The following FBXO22 variants were observed in gnomAD, a reference collection of about 807,000 sequenced individuals.
FBXO22 encodes the protein F-box only protein 22.
A neutral mutation model predicts 37.2 loss-of-function variants in FBXO22; 13 were observed. That is an observed-to-expected ratio of 0.35 (90% CI 0.23 to 0.56). FBXO22 has a LOEUF of 0.56. Among genes scored for constraint, FBXO22 ranks in the 20% least tolerant of loss-of-function variants. The probability of loss-of-function intolerance (pLI) is 0.87; values close to 1 mark genes in which losing one functional copy is unlikely to be tolerated. For synonymous variants in FBXO22, 189 were observed against 189.1 expected, an observed-to-expected ratio of 1.00 and a Z score of 0.00; for missense variants, 446 against 509.9, an observed-to-expected ratio of 0.87 and a Z score of 1.21.
intron 5 of FBXO22, among the ~76,000 whole-genome samples, chr15:75,929,060 G>A (rs1029088188): frequency 6.6e-6 from 1 of 152,130 alleles, no homozygotes; most frequent in Non-Finnish European, 1.5e-5. Context: ...AGTTCAGGAG[G>A]CCAGAAGTCT....
At chr15:75,928,005 T>C (rs1212482129) in intron 5 of FBXO22, among the ~76,000 whole-genome samples, 1 of 152,144 alleles carries the variant, frequency 6.6e-6, no homozygotes, top group Admixed American at 6.6e-5. Context: ...GAAAAAAAGC[T>C]CCACATCACT....
chr15:75,914,777 G>A (rs1201311493), intron 4 of FBXO22, among the ~76,000 whole-genome samples: 3 of 152,112 alleles, frequency 2.0e-5, no homozygotes, highest in East Asian at 1.9e-4. Flanking sequence ...TTCGAATGCC[G>A]GCTGTACCGC....
chr15:75,904,980 T>C (rs1303422634), intron 2 of FBXO22, among the ~76,000 whole-genome samples: 3 of 152,122 alleles, frequency 2.0e-5, no homozygotes, highest in Admixed American at 6.5e-5. Context: ...CCCGCCACCA[T>C]GCCCAGCTAA....
In FBXO22 at chr15:75,904,552, T is replaced by G. The variant is rs1899877685; in HGVS notation, c.202T>G (p.Trp68Gly). The change falls in exon 2 of 7, where the codon TGG (tryptophan) becomes GGG (glycine). Residue 68 changes from tryptophan (W) to glycine (G), a missense_variant. This residue lies in a region of FBXO22 where 131 missense variants were observed against 99.8 expected (regional missense o/e 1.31). Transcript: ENST00000308275. ...RVLRTHRSVT[W>G]ISAGLAEAGH... Reference sequence around the variant, plus strand: ...ATTGCGGACCCATCGGAGCGTAACCTGGATCTCCGCAGGCCTGGCGGAGGC... The same window carrying G: ...ATTGCGGACCCATCGGAGCGTAACCGGGATCTCCGCAGGCCTGGCGGAGGC... 6.2e-7 allele frequency: 1 copy of G among 1,613,904 alleles called. No homozygotes were observed. The highest frequency in any genetic ancestry group is 8.5e-7 in the Non-Finnish European group (1 of 1,179,852).
Position 75,940,330 on chromosome 15 carries a change from C to T in FBXO22, c.*7228C>T, listed in dbSNP as rs975489322. ...CAATGAAAACTACAAAACATTGCTT[C>T]AATAAAGATAAAAATAAACGGAAAT... On this transcript the variant is annotated 3_prime_UTR_variant, in exon 7 of 7. Coordinates refer to ENST00000308275, the MANE Select transcript of FBXO22 (RefSeq NM_147188.3). 1 of 151,074 alleles carries T rather than the reference C, an allele frequency of 6.6e-6. No individual in the cohort carries two copies. Among genetic ancestry groups the T allele is most frequent in the African/African-American group, 2.5e-5 (1 of 40,748 alleles). 9.4% of individuals were successfully genotyped at this position (151,074 alleles called of 1,614,324 possible).
intron 5 of FBXO22, among the ~76,000 whole-genome samples, chr15:75,919,842 C>T (rs931749729): frequency 1.3e-5 from 2 of 152,124 alleles, no homozygotes; most frequent in East Asian, 1.9e-4. Flanking sequence ...TGACAATTAA[C>T]GATGGCCAAT....
chr15:75,929,765 T>C, intron 5 of FBXO22, 119 bp from the exon 6 acceptor site: 1 of 1,114,986 alleles, frequency 9.0e-7, no homozygotes, highest in South Asian at 1.5e-5. Context: ...TTTGATAGCT[T>C]AAGCCACTAA....
chr15:75,931,101 T>G (rs1473118099), intron 6 of FBXO22, among the ~76,000 whole-genome samples: 1 of 152,168 alleles, frequency 6.6e-6, no homozygotes, highest in Non-Finnish European at 1.5e-5. Flanking sequence ...TGCCTAATTT[T>G]TCCTGTGTCT....
chr15:75,922,771 A>C (rs548160883), intron 5 of FBXO22, among the ~76,000 whole-genome samples: 1 of 152,302 alleles, frequency 6.6e-6, no homozygotes, highest in Admixed American at 6.5e-5. Context: ...GGCAAGAAAT[A>C]ACACTAGGGC....
intron 4 of FBXO22, among the ~76,000 whole-genome samples, chr15:75,916,625 C>G (rs1567053368): frequency 6.6e-6 from 1 of 152,152 alleles, no homozygotes; most frequent in African/African-American, 2.4e-5. Flanking sequence ...TGACACAGTT[C>G]AATCTGTAAT....
rs1050058761 is a variant in FBXO22, at chr15:75,932,893, A to C, written c.1003A>C (p.Arg335=). ...ACVGRGFQYY[R]AKGNVEADAF... ...CGTTGGCAGGGGCTTTCAGTATTAC[A>C]GAGCCAAGGGGAATGTTGAGGCTGA... Residue 335 remains arginine, a synonymous_variant, in exon 7 of 7, where the codon AGA becomes CGA. Coordinates refer to ENST00000308275, the MANE Select transcript of FBXO22 (RefSeq NM_147188.3). 4 of 1,614,274 alleles carry C rather than the reference A, an allele frequency of 2.5e-6. No individual in the cohort carries two copies. Among genetic ancestry groups the C allele is most frequent in the Middle Eastern group, 3.3e-4 (2 of 6,062 alleles).
Position 75,914,187 on chromosome 15 carries a change from G to A in FBXO22, c.445G>A (p.Val149Met). 5.6e-6 allele frequency: 9 copies of A among 1,613,060 alleles called. No individual in the cohort carries two copies. The highest frequency in any genetic ancestry group is 7.6e-6 in the Non-Finnish European group (9 of 1,179,294). The change falls in exon 4 of 7, where the codon GTG becomes ATG. Residue 149 changes from valine to methionine, a missense_variant. By Grantham distance (21) the Val-to-Met change is conservative. This residue lies in a region of FBXO22 where 315 missense variants were observed against 410.1 expected (regional missense o/e 0.77). Coordinates refer to ENST00000308275, the MANE Select transcript of FBXO22 (RefSeq NM_147188.3). ...CAAACAATGCCAAGTCCTTGGGATT[G>A]TGACCCCAGGAATTGTAGGTGAGAT... ...FPKQCQVLGI[V>M]TPGIVVTPMG...
chr15:75,917,417 T>C, intron 5 of FBXO22, 23 bp downstream of exon 5: 1 of 1,495,444 alleles, frequency 6.7e-7, no homozygotes, highest in Non-Finnish European at 9.1e-7. Context: ...TATTTATCAT[T>C]AACTGCTCAT....
chr15:75,917,476 A>G lies in FBXO22; in HGVS notation c.628+82A>G, dbSNP rs1900216771. 3 of 1,030,944 alleles carry G rather than the reference A, an allele frequency of 2.9e-6. No homozygotes were observed. The African/African-American group carries it at 4.9e-5, about 17-fold the overall frequency. 63.9% of individuals were successfully genotyped at this position (1,030,944 alleles called of 1,614,324 possible). On this transcript the variant is annotated intron_variant, in intron 5 of 6. Coordinates refer to ENST00000308275, the MANE Select transcript of FBXO22 (RefSeq NM_147188.3). ...TTTTAATTCTGGCTAGTTGGTGGATATTAGGTTCCTTTGGGAGAATCTGAA... is the reference window on the plus strand; with the variant it reads ...TTTTAATTCTGGCTAGTTGGTGGATGTTAGGTTCCTTTGGGAGAATCTGAA...
rs2030260510 is a variant in FBXO22 at position 75,935,571 on chromosome 15, A to T, written c.*2469A>T. The T allele has an allele frequency of 6.6e-6, 1 of 151,054 alleles. No individual in the cohort carries two copies. Among genetic ancestry groups the T allele is most frequent in the Non-Finnish European group, 1.5e-5 (1 of 67,854 alleles). The allele number at this position is 151,054 out of a possible 1,614,324, so 9.4% of individuals were successfully genotyped here. ...AAGGAAGAGGGAAAGTAAACCTTGA[A>T]ATTAAGACCTAGAAATAGATCCACC... On this transcript the variant is annotated 3_prime_UTR_variant, in exon 7 of 7. Transcript: ENST00000308275.
chr15:75,905,052 T>C (rs1450028448), intron 2 of FBXO22, among the ~76,000 whole-genome samples: 4 of 152,158 alleles, frequency 2.6e-5, no homozygotes, highest in Admixed American at 2.6e-4. Flanking sequence ...CTCGATCTCC[T>C]GACCTCGTGA....
rs2030692147 is a variant in FBXO22, at chr15:75,939,269, T to G, written c.*6167T>G. The G allele has an allele frequency of 6.6e-6, 1 of 152,080 alleles. No homozygotes were observed. The highest frequency in any genetic ancestry group is 1.9e-4 in the East Asian group (1 of 5,196). 9.4% of individuals were successfully genotyped at this position (152,080 alleles called of 1,614,324 possible). A position where few individuals can be genotyped will look rare whatever the true frequency, so the allele number is the denominator to read the frequency against. ...ATGAAAATGGGAACAGCACTCTAGA[T>G]TCTAGAAAAATGAAAAGGGTTATAG... On this transcript the variant is annotated 3_prime_UTR_variant, in exon 7 of 7. Transcript: ENST00000308275.
intron 5 of FBXO22, among the ~76,000 whole-genome samples, chr15:75,922,127 A>G (rs1056816616): frequency 4.6e-5 from 7 of 152,202 alleles, no homozygotes; most frequent in Non-Finnish European, 7.4e-5. Flanking sequence ...TGTATGTGCT[A>G]TACTTTTATA....
rs1422842156 is a variant in FBXO22 at position 75,937,374 on chromosome 15, T to TGGCG, written c.*4276_*4279dup. On this transcript the variant is annotated 3_prime_UTR_variant, in exon 7 of 7. Coordinates refer to ENST00000308275, the MANE Select transcript of FBXO22 (RefSeq NM_147188.3). Reference sequence around the variant, plus strand: ...AGTACACAAAATTAGCTGGGCATGGTGGCGGGCACCTGTAGTCCTAGCTAC... The same window carrying TGGCG: ...AGTACACAAAATTAGCTGGGCATGGTGGCGGGCGGGCACCTGTAGTCCTAGCTAC... The TGGCG allele has an allele frequency of 2.8e-4, 42 of 151,636 alleles. No individual in the cohort carries two copies. Among genetic ancestry groups the TGGCG allele is most frequent in the African/African-American group, 9.7e-4 (40 of 41,350 alleles). 9.4% of individuals were successfully genotyped at this position (151,636 alleles called of 1,614,324 possible).
Sources: gnomAD v4.1 joint callset for allele counts (sites outside exome capture counted in the v4.1 genomes callset) on GRCh38, gnomAD v4.1.1 for gene constraint, gnomAD v4.1.1 regional missense constraint, MANE v1.5 for transcripts, NCBI Gene and HGNC (gene_info 2026-07-23, HGNC 2026-07-21) for gene names.